RFC3: variants seen among roughly 807,000 people sequenced by gnomAD.
RFC3 encodes A1 38 kDa subunit.
RFC3 carries 41 observed loss-of-function variants against 45.1 expected under a neutral mutation model. The observed-to-expected ratio is 0.91, with a 90% CI of 0.71 to 1.18. RFC3 has a LOEUF of 1.18. Ranked by LOEUF, RFC3 falls within the 50% of genes most tolerant of loss-of-function variation. The pLI is 0.00. For synonymous variants in RFC3, 149 were observed against 144.0 expected (o/e 1.03, Z -0.25); for missense variants, 423 against 428.1 (o/e 0.99, Z 0.10).
intron 8 of RFC3, among the ~76,000 whole-genome samples, chr13:33,907,902 G>A (rs2082680836): frequency 6.6e-6 from 1 of 151,812 alleles, no homozygotes; most frequent in South Asian, 2.1e-4. Flanking sequence ...CCTTTGAAAA[G>A]TATTTGGGAA....
chr13:33,971,459 C>G (rs1357701967), downstream of RFC3, among the ~76,000 whole-genome samples: 1 of 152,224 alleles, frequency 6.6e-6, no homozygotes, highest in African/African-American at 2.4e-5. Context: ...TGTTCTACAG[C>G]AAGAGTCAGC....
At chr13:33,830,152 G>C (rs932795286) in intron 5 of RFC3, 135 bp downstream of exon 5, 7 of 694,746 alleles carry the variant, frequency 1.0e-5, no homozygotes, top group Non-Finnish European at 1.7e-5. Context: ...ATTAATATGT[G>C]AACAAACCAA....
chr13:33,873,520 A>G (rs976554505), intron 8 of RFC3, among the ~76,000 whole-genome samples: 1 of 152,184 alleles, frequency 6.6e-6, no homozygotes, highest in African/African-American at 2.4e-5. Flanking sequence ...GAGAAGTGAG[A>G]TCATAACTTT....
chr13:33,950,408 A>G (rs1247428748), intron 8 of RFC3, among the ~76,000 whole-genome samples: 1 of 152,188 alleles, frequency 6.6e-6, no homozygotes, highest in Non-Finnish European at 1.5e-5. Flanking sequence ...AAAAGGAAAA[A>G]AGTCTTTGTA....
chr13:33,859,688 G>A (rs1276645251), intron 8 of RFC3, among the ~76,000 whole-genome samples: 1 of 152,134 alleles, frequency 6.6e-6, no homozygotes, highest in Non-Finnish European at 1.5e-5. Context: ...ATATATATGT[G>A]TGTGCATATA....
intron 8 of RFC3, among the ~76,000 whole-genome samples, chr13:33,924,664 T>C (rs2082790935): frequency 6.8e-6 from 1 of 148,096 alleles, no homozygotes. Context: ...TGTGTGTGTA[T>C]ATATATATAT....
At chr13:33,820,308 T>A (rs1414341544) in intron 1 of RFC3, among the ~76,000 whole-genome samples, 1 of 152,258 alleles carries the variant, frequency 6.6e-6, no homozygotes, top group Non-Finnish European at 1.5e-5. Context: ...GTACTTTGCC[T>A]GAGGGCTTTT....
intron 8 of RFC3, among the ~76,000 whole-genome samples, chr13:33,911,887 C>T (rs1021910667): frequency 1.3e-5 from 2 of 152,006 alleles, no homozygotes; most frequent in Non-Finnish European, 1.5e-5. Flanking sequence ...AGCTTTGGTG[C>T]GGACGAACAA....
intron 8 of RFC3, among the ~76,000 whole-genome samples, chr13:33,881,566 C>T (rs1039472141): frequency 6.6e-6 from 1 of 151,980 alleles, no homozygotes; most frequent in Non-Finnish European, 1.5e-5. Context: ...ATACTCAGAC[C>T]TTTACTTTCA....
chr13:33,822,840 T>C (rs1029647750), intron 2 of RFC3, among the ~76,000 whole-genome samples: 9 of 152,168 alleles, frequency 5.9e-5, no homozygotes, highest in Non-Finnish European at 1.3e-4. Context: ...AGAAGAAAAG[T>C]AGATACCTGG....
intron 8 of RFC3, among the ~76,000 whole-genome samples, chr13:33,885,244 A>G (rs8181882): frequency 0.092 from 14,047 of 152,190 alleles, 1,324 homozygotes; most frequent in African/African-American, 0.24. Flanking sequence ...ATAGAATAAT[A>G]TCATACTATG....
intron 8 of RFC3, among the ~76,000 whole-genome samples, chr13:33,929,197 T>A (rs1250007723): frequency 6.6e-6 from 1 of 152,100 alleles, no homozygotes. Flanking sequence ...GAGGAAATTA[T>A]CCTAGAGAGT....
intron 6 of RFC3, 117 bp downstream of exon 6, chr13:33,830,972 C>A: frequency 1.3e-6 from 1 of 793,094 alleles, no homozygotes; most frequent in Non-Finnish European, 2.0e-6. Flanking sequence ...GGGATGGTTT[C>A]AGGATGAAAT....
rs150157653 is a variant in RFC3, at chr13:33,854,014, T to C, written c.879+18797T>C. On this transcript the variant is annotated intron_variant, in intron 8 of 8. Coordinates refer to the RFC3 transcript ENST00000434425. ...ATTGCATTTACTCTGAGAGAACTTA[T>C]TGACCTTAGTTGATGAATTTATGAA... Among the ~76,000 whole-genome samples the C allele has an allele frequency of 1.2e-3, 186 of 152,318 alleles. 1 individual carries two copies. Among genetic ancestry groups the C allele is most frequent in the East Asian group, 9.7e-4 (5 of 5,178 alleles).
At chr13:33,873,203 G>A (rs1392618423) in intron 8 of RFC3, among the ~76,000 whole-genome samples, 1 of 152,234 alleles carries the variant, frequency 6.6e-6, no homozygotes, top group East Asian at 1.9e-4. Flanking sequence ...AGAGGGGGTT[G>A]TGGAGCCCAG....
intron 8 of RFC3, among the ~76,000 whole-genome samples, chr13:33,894,435 A>G (rs898721753): frequency 1.3e-5 from 2 of 152,176 alleles, no homozygotes; most frequent in Non-Finnish European, 2.9e-5. Flanking sequence ...AACTCAAGTG[A>G]CAGTCATAGG....
chr13:33,972,249 T>C, the RFC3 span, among the ~76,000 whole-genome samples: 3 of 152,234 alleles, frequency 2.0e-5, no homozygotes, highest in African/African-American at 7.2e-5. Context: ...TATTCAAATC[T>C]TAGTTTACCT....
intron 8 of RFC3, among the ~76,000 whole-genome samples, chr13:33,957,295 T>A (rs1439609132): frequency 6.6e-6 from 1 of 152,220 alleles, no homozygotes; most frequent in Non-Finnish European, 1.5e-5. Flanking sequence ...AAGCCTGCAT[T>A]TCTTTTCTTC....
At chr13:33,955,934 C>A (rs184387788) in intron 8 of RFC3, among the ~76,000 whole-genome samples, 4 of 152,178 alleles carry the variant, frequency 2.6e-5, no homozygotes, top group Middle Eastern at 3.2e-3. Context: ...GGAGCCTAAT[C>A]TATAAAGTGT....
Sources: gnomAD v4.1 joint callset for allele counts (sites outside exome capture counted in the v4.1 genomes callset) on GRCh38, gnomAD v4.1.1 for gene constraint, MANE v1.5 for transcripts, NCBI Gene and HGNC (gene_info 2026-07-23, HGNC 2026-07-21) for gene names.